The following ACADS variants were observed in gnomAD, a reference collection of about 807,000 sequenced individuals.
ACADS encodes acyl-CoA dehydrogenase short chain, also known as short-chain specific acyl-CoA dehydrogenase, mitochondrial.
A neutral mutation model predicts 46.8 loss-of-function variants in ACADS; 28 were observed. The observed-to-expected ratio is 0.60, with a 90% confidence interval of 0.44 to 0.82. The LOEUF (loss-of-function observed/expected upper bound fraction) is 0.82. Ranked by LOEUF, ACADS falls within the 40% of genes least tolerant of loss-of-function variation. The pLI is 0.00. For synonymous variants in ACADS, 236 were observed against 237.7 expected (o/e 0.99, Z 0.07); for missense variants, 528 against 578.0 (o/e 0.91, Z 0.89).
chr12:120,731,903 A>C (rs556328963), intron 2 of ACADS, among the ~76,000 whole-genome samples: 3 of 152,162 alleles, frequency 2.0e-5, no homozygotes, highest in African/African-American at 7.2e-5. Flanking sequence ...CCCTTAATCC[A>C]TTTAACCCTG....
intron 7 of ACADS, 62 bp from the exon 8 acceptor site, chr12:120,738,758 C>T (rs777823861): frequency 1.1e-5 from 18 of 1,611,624 alleles, no homozygotes; most frequent in Non-Finnish European, 1.4e-5. Context: ...TCCTCCTCCC[C>T]CTCCCTTCTG....
chr12:120,729,954 C>G (rs1883202067), intron 2 of ACADS, among the ~76,000 whole-genome samples: 1 of 152,180 alleles, frequency 6.6e-6, no homozygotes, highest in Non-Finnish European at 1.5e-5. Flanking sequence ...CCATGTCTTT[C>G]ACAGCCACAG....
At position 120,739,483 on chromosome 12, in the gene ACADS, C is replaced by A; in HGVS notation, c.*35C>A. The A allele has an allele frequency of 6.3e-7, 1 of 1,592,146 alleles. No individual in the cohort carries two copies. The highest frequency in any genetic ancestry group is 1.7e-5 in the Admixed American group (1 of 59,518). On this transcript the variant is annotated 3_prime_UTR_variant, in exon 10 of 10. Transcript: ENST00000242592. ...GGACTGCCCCAGGACTGCGGGAAGG[C>A]GCGGGAGCCAGGGGCCTCCACCCCA...
chr12:120,739,189 G>A lies in ACADS; in HGVS notation c.1079G>A (p.Ser360Asn). The A allele has an allele frequency of 6.2e-7, 1 of 1,613,058 alleles. No individual in the cohort carries two copies. The highest frequency in any genetic ancestry group is 8.5e-7 in the Non-Finnish European group (1 of 1,180,014). Residue 360 changes from serine (S) to asparagine (N), a missense_variant, in exon 9 of 10, where the codon AGC becomes AAC. Ser to Asn is a conservative substitution (Grantham distance 46). Transcript: ENST00000242592. ...LAASEAATAISHQAIQILGGM... is the reference protein window; with the variant it reads ...LAASEAATAINHQAIQILGGM... The stretch of plus-strand genomic sequence containing the variant: ...GCCTCGGAGGCCGCGACCGCCATCA[G>A]CCACCAGGTGAGTGTCCACAGTGAG...
chr12:120,732,622 C>T lies in ACADS; in HGVS notation c.211-4364C>T, dbSNP rs573959345. On this transcript the variant is annotated intron_variant, in intron 2 of 9. Transcript: ENST00000242592. ...GCAGAGGCGCTCCTCACATCCCAGACGGGGCAGTGGGGCAGAGGCGCTCCC... is the reference window on the plus strand; with the variant it reads ...GCAGAGGCGCTCCTCACATCCCAGATGGGGCAGTGGGGCAGAGGCGCTCCC... Among the ~76,000 whole-genome samples the T allele has an allele frequency of 1.2e-4, 15 of 120,674 alleles. No individual in the cohort carries two copies. In the South Asian group the frequency reaches 1.9e-3, roughly 15 times the overall value. 79.2% of individuals were successfully genotyped at this position (120,674 alleles called of 152,430 possible).
At position 120,737,470 on chromosome 12, in the gene ACADS, A is replaced by G. The variant is rs758383102; in HGVS notation, c.472+3A>G. The stretch of plus-strand genomic sequence containing the variant: ...CTGCTTTGCCCTCAGCGAACCAGGT[A>G]CCTGCCCTGTCCCCTCACCTGTCCT... On this transcript the variant is annotated splice_donor_region_variant and intron_variant, in intron 4 of 9. Coordinates refer to ENST00000242592, the MANE Select transcript of ACADS (RefSeq NM_000017.4). 1 of 1,612,322 alleles carries G rather than the reference A, an allele frequency of 6.2e-7. No homozygotes were observed.
Position 120,738,818 on chromosome 12 carries a change from A to T in ACADS, c.934-2A>T. On this transcript the variant is annotated splice_acceptor_variant, in intron 7 of 9. Coordinates refer to ENST00000242592, the MANE Select transcript of ACADS (RefSeq NM_000017.4). LOFTEE classifies it high-confidence loss of function. ...CTGTGGTGTGGGGTGGGGCTATTGC[A>T]GTTCAAGTTGGCAGACATGGCCCTG... The T allele has an allele frequency of 6.2e-7, 1 of 1,613,998 alleles. No homozygotes were observed. The highest frequency in any genetic ancestry group is 8.5e-7 in the Non-Finnish European group (1 of 1,180,006).
At chr12:120,726,836 GGGATCCC>G (rs1304791466) in intron 1 of ACADS, among the ~76,000 whole-genome samples, 183 bp from the exon 2 acceptor site, 1 of 152,194 alleles carries the variant, frequency 6.6e-6, no homozygotes, top group Non-Finnish European at 1.5e-5. Flanking sequence ...ATGTTCAGCA[GGGATCCC>G]GGACCCCTAT....
chr12:120,737,464 C>A lies in ACADS; in HGVS notation c.469C>A (p.Pro157Thr). Residue 157 changes from proline (P) to threonine (T), a missense_variant, in exon 4 of 10, where the codon CCA (proline) becomes ACA (threonine). Pro to Thr is a conservative substitution (Grantham distance 38). Transcript: ENST00000242592. ...DKIGCFALSE[P>T]GNGSDAGAAS... The stretch of plus-strand genomic sequence containing the variant: ...AATTGGCTGCTTTGCCCTCAGCGAA[C>A]CAGGTACCTGCCCTGTCCCCTCACC... The A allele has an allele frequency of 6.2e-7, 1 of 1,613,240 alleles. No individual in the cohort carries two copies. The highest frequency in any genetic ancestry group is 8.5e-7 in the Non-Finnish European group (1 of 1,179,274).
chr12:120,729,035 C>G (rs535431368), intron 2 of ACADS, among the ~76,000 whole-genome samples: 2 of 152,244 alleles, frequency 1.3e-5, no homozygotes, highest in South Asian at 4.2e-4. Flanking sequence ...GTTGCTGGGT[C>G]ACAGACACTA....
Position 120,726,843 on chromosome 12 carries a change from C to G in ACADS, c.47-183C>G, listed in dbSNP as rs756057115. On this transcript the variant is annotated intron_variant, in intron 1 of 9. Coordinates refer to ENST00000242592, the MANE Select transcript of ACADS (RefSeq NM_000017.4). ...CTTGTTGGATGTTCAGCAGGGATCCCGGACCCCTATCCACTGGGTACCAAT... is the reference window on the plus strand; with the variant it reads ...CTTGTTGGATGTTCAGCAGGGATCCGGGACCCCTATCCACTGGGTACCAAT... 6.6e-5 allele frequency among the ~76,000 whole-genome samples: 10 copies of G among 152,134 alleles called. No homozygotes were observed. In the East Asian group the frequency reaches 1.7e-3, roughly 26 times the overall value.
intron 2 of ACADS, among the ~76,000 whole-genome samples, chr12:120,730,281 G>A (rs958152731): frequency 2.0e-5 from 3 of 152,112 alleles, no homozygotes; most frequent in African/African-American, 4.8e-5. Context: ...GCGCCCAGCT[G>A]GTAGATGCTG....
chr12:120,732,796 C>T (rs1210290678), intron 2 of ACADS, among the ~76,000 whole-genome samples: 20 of 152,066 alleles, frequency 1.3e-4, no homozygotes, highest in Non-Finnish European at 2.4e-4. Flanking sequence ...CAGGCAGAGA[C>T]GCTCCTCATT....
In ACADS at chr12:120,737,311, G is replaced by A. The variant is rs777838257; in HGVS notation, c.361-45G>A. ...GGTGCAGCCCGCAGGTGGGCAGGATGCGCCTGGGCCTGGGGCCTCCGACCG... is the reference window on the plus strand; with the variant it reads ...GGTGCAGCCCGCAGGTGGGCAGGATACGCCTGGGCCTGGGGCCTCCGACCG... On this transcript the variant is annotated intron_variant, in intron 3 of 9. Transcript: ENST00000242592. The A allele has an allele frequency of 3.8e-6, 6 of 1,587,812 alleles. 1 individual carries two copies. Among genetic ancestry groups the A allele is most frequent in the East Asian group, 2.2e-5 (1 of 44,552 alleles).
chr12:120,729,898 T>A (rs1322049450), intron 2 of ACADS, among the ~76,000 whole-genome samples: 1 of 152,184 alleles, frequency 6.6e-6, no homozygotes, highest in African/African-American at 2.4e-5. Context: ...GCTCCTCTCT[T>A]TTGAAATTTG....
At chr12:120,736,309 T>C (rs1420736583) in intron 2 of ACADS, among the ~76,000 whole-genome samples, 1 of 152,134 alleles carries the variant, frequency 6.6e-6, no homozygotes, top group Non-Finnish European at 1.5e-5. Flanking sequence ...TACCCAGAAT[T>C]AAGAGTCCCA....
At chr12:120,735,898 C>CAAAATAAAATAAGATAAAATAAAAT (rs1883421154) in intron 2 of ACADS, among the ~76,000 whole-genome samples, 1 of 149,586 alleles carries the variant, frequency 6.7e-6, no homozygotes, top group East Asian at 2.0e-4. Flanking sequence ...TACTCTGTCA[C>CAAAATAAAATAAGATAAAATAAAAT]AAAATAAAAT....
At position 120,739,581 on chromosome 12, in the gene ACADS, A is replaced by G; in HGVS notation, c.*133A>G. 2.9e-6 allele frequency: 3 copies of G among 1,033,666 alleles called. No individual in the cohort carries two copies. Among genetic ancestry groups the G allele is most frequent in the Non-Finnish European group, 4.2e-6 (3 of 714,346 alleles). The allele number at this position is 1,033,666 out of a possible 1,614,324, so 64.0% of individuals were successfully genotyped here. A position where few individuals can be genotyped will look rare whatever the true frequency, so the allele number is the denominator to read the frequency against. ...CCAGATGGGCTCAGTGCTGCCACCCAGATCAGATCACATGGGAATGAGGCC... is the reference window on the plus strand; with the variant it reads ...CCAGATGGGCTCAGTGCTGCCACCCGGATCAGATCACATGGGAATGAGGCC... On this transcript the variant is annotated 3_prime_UTR_variant, in exon 10 of 10. Coordinates refer to ENST00000242592, the MANE Select transcript of ACADS (RefSeq NM_000017.4).
intron 2 of ACADS, among the ~76,000 whole-genome samples, chr12:120,731,792 C>T (rs981550895): frequency 1.3e-5 from 2 of 151,896 alleles, no homozygotes; most frequent in Admixed American, 6.6e-5. Context: ...CGGCCTTCCG[C>T]AGTGTTTGTG....
Sources: allele counts gnomAD v4.1 joint callset (sites outside exome capture counted in the v4.1 genomes callset), GRCh38; gene constraint gnomAD v4.1.1; transcripts MANE v1.5; gene names NCBI Gene and HGNC (gene_info 2026-07-23, HGNC 2026-07-21).